PTPRJ: variants seen among roughly 807,000 people sequenced by gnomAD.
PTPRJ encodes the protein protein tyrosine phosphatase receptor type J.
In PTPRJ, 129 loss-of-function variants were observed where a neutral mutation model predicts 141.3. The ratio of observed to expected loss-of-function variants is 0.91; its 90% CI spans 0.79 to 1.06. The LOEUF is 1.06. PTPRJ is among the 50% of genes least tolerant of loss of function. The pLI, the probability that PTPRJ is intolerant of heterozygous loss-of-function variation, is 0.00. For missense variants in PTPRJ, 1,601 were observed against 1,679.7 expected (o/e 0.95, Z 0.82); for synonymous variants, 610 against 640.5 (o/e 0.95, Z 0.72).
At chr11:48,075,145 T>TTATG (rs1249942063) in intron 1 of PTPRJ, among the ~76,000 whole-genome samples, 2 of 152,116 alleles carry the variant, frequency 1.3e-5, no homozygotes, top group Non-Finnish European at 2.9e-5. Context: ...ATTTAGTTAG[T>TTATG]TAGTTAGTTA....
At chr11:48,128,425 G>A (rs1271364849) in intron 7 of PTPRJ, among the ~76,000 whole-genome samples, 1 of 152,140 alleles carries the variant, frequency 6.6e-6, no homozygotes, top group Non-Finnish European at 1.5e-5. Flanking sequence ...ATATCCCCTT[G>A]TGTCTTGGGT....
intron 21 of PTPRJ, among the ~76,000 whole-genome samples, chr11:48,156,829 C>G (rs982325989): frequency 1.3e-5 from 2 of 152,020 alleles, no homozygotes; most frequent in African/African-American, 4.8e-5. Flanking sequence ...TCAAGTGATC[C>G]TGCTTCCTTG....
intron 1 of PTPRJ, among the ~76,000 whole-genome samples, chr11:48,085,162 A>C (rs1443451254): frequency 2.0e-5 from 3 of 152,202 alleles, no homozygotes; most frequent in African/African-American, 7.2e-5. Flanking sequence ...TTATTGTAAC[A>C]GAGTGAACGC....
At chr11:48,041,768 G>C (rs942909252) in intron 1 of PTPRJ, among the ~76,000 whole-genome samples, 14 of 152,020 alleles carry the variant, frequency 9.2e-5, no homozygotes, top group Non-Finnish European at 2.9e-5. Context: ...GGGACCACAG[G>C]CACGTGCCAC....
chr11:48,123,996 A>G (rs1168125511), intron 5 of PTPRJ, 126 bp downstream of exon 5: 2 of 1,163,380 alleles, frequency 1.7e-6, no homozygotes, highest in South Asian at 1.6e-5. Flanking sequence ...CTTTTCCTCC[A>G]CATTTTAGTT....
chr11:48,123,911 T>C, intron 5 of PTPRJ, 41 bp downstream of exon 5: 1 of 1,562,646 alleles, frequency 6.4e-7, no homozygotes, highest in Non-Finnish European at 8.7e-7. Context: ...TTACTGGTTC[T>C]TACTTTCAGT....
At chr11:48,095,420 T>C (rs1221552348) in intron 1 of PTPRJ, among the ~76,000 whole-genome samples, 2 of 152,146 alleles carry the variant, frequency 1.3e-5, no homozygotes, top group Admixed American at 1.3e-4. Flanking sequence ...AATAATGATC[T>C]TCAACTGGGT....
intron 22 of PTPRJ, 81 bp downstream of exon 22, chr11:48,160,130 A>G: frequency 9.1e-6 from 14 of 1,535,744 alleles, no homozygotes; most frequent in Non-Finnish European, 1.3e-5. Flanking sequence ...GGTTGATATT[A>G]ACTAATATGT....
intron 1 of PTPRJ, among the ~76,000 whole-genome samples, chr11:48,080,078 G>T (rs1318503274): frequency 2.0e-5 from 3 of 152,148 alleles, no homozygotes; most frequent in African/African-American, 4.8e-5. Context: ...GGGGACAAAA[G>T]CCTCTTCTCA....
At chr11:48,120,906 G>T in intron 3 of PTPRJ, 97 bp from the exon 4 acceptor site, 1 of 1,170,200 alleles carries the variant, frequency 8.5e-7, no homozygotes, top group Non-Finnish European at 1.2e-6. Context: ...CTCTGTGATT[G>T]GAAAGTCACT....
intron 18 of PTPRJ, among the ~76,000 whole-genome samples, chr11:48,151,423 A>G (rs1391625848): frequency 6.7e-6 from 1 of 149,578 alleles, no homozygotes; most frequent in African/African-American, 2.5e-5. Context: ...CTAATCTAGT[A>G]TGATCTCATT....
chr11:48,017,162 C>T (rs1854973932), intron 1 of PTPRJ, among the ~76,000 whole-genome samples: 1 of 152,174 alleles, frequency 6.6e-6, no homozygotes, highest in South Asian at 2.1e-4. Context: ...GATTTGATCC[C>T]AAGTAGGTGA....
intron 1 of PTPRJ, among the ~76,000 whole-genome samples, chr11:47,987,512 A>G (rs188978969): frequency 1.3e-5 from 2 of 152,300 alleles, no homozygotes; most frequent in Admixed American, 1.3e-4. Context: ...ACTGGGCAAG[A>G]CTCAGATAGC....
intron 1 of PTPRJ, among the ~76,000 whole-genome samples, chr11:48,020,818 G>T (rs1404579349): frequency 6.6e-6 from 1 of 152,102 alleles, no homozygotes; most frequent in African/African-American, 2.4e-5. Flanking sequence ...AGAACAGCCC[G>T]TGGGCAAGTG....
At chr11:48,166,897 A>AT (rs754318863) in intron 24 of PTPRJ, among the ~76,000 whole-genome samples, 5 of 152,002 alleles carry the variant, frequency 3.3e-5, no homozygotes, top group Non-Finnish European at 7.4e-5. Context: ...GTGTGTGTGC[A>AT]TTTTTTCCTC....
chr11:48,025,061 G>A (rs989696275), intron 1 of PTPRJ, among the ~76,000 whole-genome samples: 1 of 152,212 alleles, frequency 6.6e-6, no homozygotes, highest in Non-Finnish European at 1.5e-5. Flanking sequence ...TAAGTGGGGT[G>A]CTGGATCTTG....
At chr11:48,147,546 G>A (rs756128680) in intron 15 of PTPRJ, among the ~76,000 whole-genome samples, 2 of 152,146 alleles carry the variant, frequency 1.3e-5, no homozygotes, top group East Asian at 1.9e-4. Flanking sequence ...GTGAATTATC[G>A]CATGCATGAG....
At chr11:48,064,642 C>T (rs368346668) in intron 1 of PTPRJ, among the ~76,000 whole-genome samples, 7 of 152,076 alleles carry the variant, frequency 4.6e-5, no homozygotes, top group Non-Finnish European at 8.8e-5. Flanking sequence ...CTTACTCTGT[C>T]GCCCAGGCTA....
chr11:47,980,966 C>T lies in PTPRJ; in HGVS notation c.54C>T (p.Arg18=). 1 of 1,164,364 alleles carries T rather than the reference C, an allele frequency of 8.6e-7. No individual in the cohort carries two copies. Among genetic ancestry groups the T allele is most frequent in the Non-Finnish European group, 1.1e-6 (1 of 946,710 alleles). The allele number at this position is 1,164,364 out of a possible 1,614,324, so 72.1% of individuals were successfully genotyped here. The change falls in exon 1 of 25, where the codon CGC becomes CGT. Residue 18 remains arginine (R), a synonymous_variant. Coordinates refer to ENST00000418331, the MANE Select transcript of PTPRJ (RefSeq NM_002843.4). Reference sequence around the variant, plus strand: ...TGCCTCCGCGCTCGCCCGGGCTGCGCTGGGCGCTGCCGCTGCTGCTGCTGC... The same window carrying T: ...TGCCTCCGCGCTCGCCCGGGCTGCGTTGGGCGCTGCCGCTGCTGCTGCTGC... ...ARLPPRSPGL[R]WALPLLLLLL...
Sources: gnomAD v4.1 joint callset for allele counts (sites outside exome capture counted in the v4.1 genomes callset) on GRCh38, gnomAD v4.1.1 for gene constraint, MANE v1.5 for transcripts, NCBI Gene and HGNC (gene_info 2026-07-23, HGNC 2026-07-21) for gene names.